DCLK2: variants seen among roughly 807,000 people sequenced by gnomAD.
DCLK2 encodes serine/threonine-protein kinase DCLK2.
In DCLK2, 31 loss-of-function variants were observed where a neutral mutation model predicts 78.4. That is an observed-to-expected ratio of 0.40 (90% CI 0.30 to 0.53). The LOEUF (loss-of-function observed/expected upper bound fraction) is 0.53. Ranked by LOEUF, DCLK2 falls within the 20% of genes least tolerant of loss-of-function variation. DCLK2 has a pLI of 0.61. For missense variants in DCLK2, 872 were observed against 973.7 expected, an observed-to-expected ratio of 0.90 and a Z score of 1.39; for synonymous variants, 407 against 374.9, an observed-to-expected ratio of 1.09 and a Z score of -0.99.
chr4:150,149,706 G>A (rs1161727364), intron 2 of DCLK2, among the ~76,000 whole-genome samples: 1 of 152,198 alleles, frequency 6.6e-6, no homozygotes, highest in Admixed American at 6.5e-5. Context: ...AGGCAAGGAA[G>A]CAAGAACACA....
intron 4 of DCLK2, chr4:150,199,190 G>A (rs943052297): frequency 4.4e-5 from 41 of 926,608 alleles, no homozygotes; most frequent in Middle Eastern, 4.2e-4. Flanking sequence ...GCTTATTCCA[G>A]TGCACATCTG....
At chr4:150,152,562 T>C (rs1160868482) in intron 2 of DCLK2, among the ~76,000 whole-genome samples, 1 of 152,202 alleles carries the variant, frequency 6.6e-6, no homozygotes. Flanking sequence ...GATGACAGGC[T>C]TGAGCCACTG....
At chr4:150,106,096 A>C (rs1284640576) in intron 2 of DCLK2, among the ~76,000 whole-genome samples, 1 of 152,146 alleles carries the variant, frequency 6.6e-6, no homozygotes, top group African/African-American at 2.4e-5. Flanking sequence ...TTCAAGTAAA[A>C]TATTTCTTTG....
At position 150,097,697 on chromosome 4, in the gene DCLK2, G is replaced by A. The variant is rs553451837; in HGVS notation, c.422-4781G>A. On this transcript the variant is annotated intron_variant, in intron 1 of 15. Coordinates refer to ENST00000296550, the MANE Select transcript of DCLK2 (RefSeq NM_001040260.4). ...GGAAAGAGTCTTATAGGATATTGAA[G>A]GAATGCTTTCTGTTCCATTACCATG... is the stretch of plus-strand genomic sequence containing the variant. Among the ~76,000 whole-genome samples, 13 of 152,272 alleles carry A rather than the reference G, an allele frequency of 8.5e-5. No individual in the cohort carries two copies. The South Asian group carries it at 2.7e-3, about 32-fold the overall frequency.
intron 1 of DCLK2, among the ~76,000 whole-genome samples, chr4:150,100,318 A>G (rs955835728): frequency 1.3e-5 from 2 of 152,226 alleles, no homozygotes; most frequent in African/African-American, 4.8e-5. Flanking sequence ...TCCTTTACCT[A>G]CTTCATTCTA....
chr4:150,149,752 T>G (rs1451444821), intron 2 of DCLK2, among the ~76,000 whole-genome samples: 1 of 152,228 alleles, frequency 6.6e-6, no homozygotes, highest in East Asian at 1.9e-4. Flanking sequence ...TGCTCTGTTT[T>G]GGAATTGTGT....
chr4:150,125,774 C>T (rs1732879854), intron 2 of DCLK2, among the ~76,000 whole-genome samples: 1 of 151,860 alleles, frequency 6.6e-6, no homozygotes, highest in Non-Finnish European at 1.5e-5. Context: ...ACCTGTAATC[C>T]CAGCTACGTG....
intron 2 of DCLK2, among the ~76,000 whole-genome samples, chr4:150,150,718 C>T (rs1397336809): frequency 1.3e-5 from 2 of 152,168 alleles, no homozygotes; most frequent in Non-Finnish European, 2.9e-5. Flanking sequence ...CTCCCATGTC[C>T]TGCCTAATGC....
chr4:150,210,213 A>G (rs970114236), intron 5 of DCLK2, among the ~76,000 whole-genome samples: 3 of 152,326 alleles, frequency 2.0e-5, no homozygotes, highest in South Asian at 4.1e-4. Context: ...GACCTACCGC[A>G]CAGGATTGAG....
At chr4:150,233,146 A>G (rs930448308) in intron 10 of DCLK2, among the ~76,000 whole-genome samples, 7 of 152,222 alleles carry the variant, frequency 4.6e-5, no homozygotes, top group South Asian at 2.1e-4. Flanking sequence ...GAGACTTACA[A>G]TCATGGCGGA....
At chr4:150,198,169 A>G in intron 4 of DCLK2, 66 bp downstream of exon 4, 1 of 1,400,690 alleles carries the variant, frequency 7.1e-7, no homozygotes, top group Non-Finnish European at 9.8e-7. Flanking sequence ...GTTTTCTCTA[A>G]TTTTTATGAA....
intron 3 of DCLK2, among the ~76,000 whole-genome samples, chr4:150,193,553 T>C (rs1738636006): frequency 6.6e-6 from 1 of 152,250 alleles, no homozygotes; most frequent in Non-Finnish European, 1.5e-5. Context: ...GTTCCATGCC[T>C]TCCTTCAGAA....
At chr4:150,082,158 G>C (rs1209593642) in intron 1 of DCLK2, among the ~76,000 whole-genome samples, 2 of 152,092 alleles carry the variant, frequency 1.3e-5, no homozygotes, top group African/African-American at 4.8e-5. Flanking sequence ...ATTTGCATTA[G>C]TAAAAATAAG....
chr4:150,078,894 G>T lies in DCLK2; in HGVS notation c.-134G>T, dbSNP rs1258687291. 8.3e-7 allele frequency: 1 copy of T among 1,207,986 alleles called. No individual in the cohort carries two copies. Among genetic ancestry groups the T allele is most frequent in the African/African-American group, 1.6e-5 (1 of 62,250 alleles). 74.8% of individuals were successfully genotyped at this position (1,207,986 alleles called of 1,614,324 possible). Reference sequence around the variant, plus strand: ...TCCGCGGCTCCTCGGCCCCACCTGCGCGGAGAGGGCGGGATGCCAGAGCCA... The same window carrying T: ...TCCGCGGCTCCTCGGCCCCACCTGCTCGGAGAGGGCGGGATGCCAGAGCCA... On this transcript the variant is annotated 5_prime_UTR_variant, in exon 1 of 16. Coordinates refer to ENST00000296550, the MANE Select transcript of DCLK2 (RefSeq NM_001040260.4).
Position 150,256,043 on chromosome 4 carries a change from G to A in DCLK2, c.2097G>A (p.Gly699=). The part of the protein sequence containing the change: ...VIMNTALDKE[G]QIFCSKHCQD... The stretch of plus-strand genomic sequence containing the variant: ...AGAACACGGCTCTAGATAAGGAGGG[G>A]CAGATTTTCTGCAGCAAGCACTGTC... Residue 699 remains glycine, a synonymous_variant, in exon 16 of 16, where the codon GGG becomes GGA. Coordinates refer to ENST00000296550, the MANE Select transcript of DCLK2 (RefSeq NM_001040260.4). 6.2e-7 allele frequency: 1 copy of A among 1,612,868 alleles called. No individual in the cohort carries two copies. Among genetic ancestry groups the A allele is most frequent in the South Asian group, 1.1e-5 (1 of 90,980 alleles).
chr4:150,080,159 G>A (rs189721453), intron 1 of DCLK2, among the ~76,000 whole-genome samples: 21 of 148,796 alleles, frequency 1.4e-4, no homozygotes, highest in Admixed American at 1.1e-3. Flanking sequence ...AACAATCACC[G>A]TGCTAAAGGG....
intron 12 of DCLK2, among the ~76,000 whole-genome samples, chr4:150,240,760 AAAG>A (rs1297497769): frequency 2.4e-5 from 2 of 82,900 alleles, no homozygotes; most frequent in African/African-American, 3.4e-5. Context: ...AAAAAAAAAA[AAAG>A]AAAAAGAAAA....
chr4:150,089,394 G>A (rs980897976), intron 1 of DCLK2, among the ~76,000 whole-genome samples: 1 of 152,164 alleles, frequency 6.6e-6, no homozygotes, highest in Non-Finnish European at 1.5e-5. Flanking sequence ...AAACTTTTGA[G>A]GAAAGTTTTG....
chr4:150,192,338 G>T (rs1296502094), intron 2 of DCLK2, among the ~76,000 whole-genome samples: 1 of 151,996 alleles, frequency 6.6e-6, no homozygotes, highest in South Asian at 2.1e-4. Context: ...AAATTAGCTG[G>T]GTGTGGTGGC....
Sources: allele counts gnomAD v4.1 joint callset (sites outside exome capture counted in the v4.1 genomes callset), GRCh38; gene constraint gnomAD v4.1.1; transcripts MANE v1.5; gene names NCBI Gene and HGNC (gene_info 2026-07-23, HGNC 2026-07-21).